METTL25: variants seen among roughly 807,000 people sequenced by gnomAD.
METTL25 encodes methyltransferase like 25.
Under a neutral mutation model 71.6 loss-of-function variants are expected in METTL25, and 64 were observed. The ratio of observed to expected loss-of-function variants is 0.89; its 90% CI spans 0.73 to 1.10. The LOEUF (loss-of-function observed/expected upper bound fraction) is 1.10. Among genes scored for constraint, METTL25 ranks in the 50% least tolerant of loss-of-function variants. The pLI, the probability that METTL25 is intolerant of heterozygous loss-of-function variation, is 0.00. For missense variants in METTL25, 807 were observed against 707.0 expected (o/e 1.14, Z -1.60); for synonymous variants, 287 against 250.3 (o/e 1.15, Z -1.38).
At chr12:82,463,750 T>C (rs941395212) in intron 9 of METTL25, among the ~76,000 whole-genome samples, 2 of 152,110 alleles carry the variant, frequency 1.3e-5, no homozygotes, top group South Asian at 4.1e-4. Context: ...ACATTTGTTA[T>C]TTTTTATCTT....
intron 5 of METTL25, among the ~76,000 whole-genome samples, chr12:82,427,225 T>C (rs1889102812): frequency 6.6e-6 from 1 of 151,992 alleles, no homozygotes; most frequent in South Asian, 2.1e-4. Flanking sequence ...CCCACATTCC[T>C]TGTATGGAAT....
intron 9 of METTL25, among the ~76,000 whole-genome samples, chr12:82,464,870 A>G (rs1407629650): frequency 8.1e-6 from 1 of 122,772 alleles, no homozygotes; most frequent in African/African-American, 2.9e-5. Context: ...CTTTATAGCT[A>G]TTGTAAATGG....
intron 5 of METTL25, among the ~76,000 whole-genome samples, chr12:82,404,870 G>A (rs1472669996): frequency 6.6e-6 from 1 of 151,830 alleles, no homozygotes; most frequent in African/African-American, 2.4e-5. Flanking sequence ...CTTGAACCCA[G>A]GAGGCACAGG....
intron 9 of METTL25, chr12:82,460,015 A>C (rs1891758369): frequency 6.6e-6 from 1 of 152,164 alleles, no homozygotes; most frequent in African/African-American, 2.4e-5. Flanking sequence ...CTTCACATCC[A>C]CTTACTTTAG....
intron 5 of METTL25, among the ~76,000 whole-genome samples, chr12:82,427,103 T>C (rs556380313): frequency 6.6e-6 from 1 of 152,104 alleles, no homozygotes; most frequent in African/African-American, 2.4e-5. Context: ...TTATCAAAAT[T>C]GCCTATATAT....
At chr12:82,476,533 A>G (rs986640109) in intron 9 of METTL25, 111 bp from the exon 10 acceptor site, 3 of 716,450 alleles carry the variant, frequency 4.2e-6, no homozygotes, top group Non-Finnish European at 7.3e-6. Flanking sequence ...TTCTTCAGAC[A>G]CCTAAGGTTG....
At chr12:82,445,935 C>A (rs1017302795) in intron 8 of METTL25, among the ~76,000 whole-genome samples, 3 of 152,150 alleles carry the variant, frequency 2.0e-5, no homozygotes, top group African/African-American at 7.2e-5. Flanking sequence ...CAAAAGTACA[C>A]TAGTAGTAGT....
At chr12:82,457,259 A>C (rs1891558665) in intron 9 of METTL25, among the ~76,000 whole-genome samples, 1 of 151,912 alleles carries the variant, frequency 6.6e-6, no homozygotes, top group African/African-American at 2.4e-5. Context: ...CAAGTTAGTA[A>C]TTGATAACAT....
intron 5 of METTL25, among the ~76,000 whole-genome samples, chr12:82,408,745 T>G (rs1466804030): frequency 6.6e-6 from 1 of 152,124 alleles, no homozygotes; most frequent in Non-Finnish European, 1.5e-5. Flanking sequence ...AGGCCTAGTA[T>G]TCCATACTAA....
At chr12:82,434,869 G>T in intron 7 of METTL25, 145 bp downstream of exon 7, 1 of 738,222 alleles carries the variant, frequency 1.4e-6, no homozygotes, top group Non-Finnish European at 2.3e-6. Flanking sequence ...TTTTCTGTAA[G>T]TTTACTTTAA....
intron 8 of METTL25, among the ~76,000 whole-genome samples, chr12:82,443,232 G>C (rs1242529017): frequency 6.6e-6 from 1 of 151,862 alleles, no homozygotes; most frequent in Non-Finnish European, 1.5e-5. Flanking sequence ...TTCTAGACAC[G>C]TAAGAGTAAA....
chr12:82,459,592 A>T (rs1383202567), intron 9 of METTL25, among the ~76,000 whole-genome samples: 2 of 152,192 alleles, frequency 1.3e-5, no homozygotes. Context: ...GTGCCACTGC[A>T]CTTCAGCCTG....
intron 9 of METTL25, chr12:82,459,922 G>A (rs530349720): frequency 6.6e-6 from 1 of 152,314 alleles, no homozygotes; most frequent in African/African-American, 2.4e-5. Context: ...CTATCAACCT[G>A]AGAATATCAG....
chr12:82,472,546 C>T (rs1198676716), intron 9 of METTL25, among the ~76,000 whole-genome samples: 10 of 152,056 alleles, frequency 6.6e-5, no homozygotes, highest in Non-Finnish European at 1.5e-4. Context: ...TGCAGTGAGC[C>T]GAGGTCCTGC....
intron 5 of METTL25, among the ~76,000 whole-genome samples, chr12:82,419,787 A>C (rs560120855): frequency 1.3e-4 from 20 of 151,824 alleles, no homozygotes; most frequent in Non-Finnish European, 2.8e-4. Flanking sequence ...TGCAGTCGCT[A>C]TGGAAAATGA....
intron 3 of METTL25, among the ~76,000 whole-genome samples, chr12:82,390,427 A>T (rs1270491453): frequency 6.6e-6 from 1 of 152,090 alleles, no homozygotes; most frequent in Non-Finnish European, 1.5e-5. Context: ...ATGGTAGATA[A>T]TGATATTGGA....
chr12:82,473,882 G>A (rs541836758), intron 9 of METTL25, among the ~76,000 whole-genome samples: 1 of 152,304 alleles, frequency 6.6e-6, no homozygotes, highest in Non-Finnish European at 1.5e-5. Flanking sequence ...AGCTTAGGTT[G>A]TGGCAGTCAG....
chr12:82,398,887 CA>C lies in METTL25; in HGVS notation c.626del (p.Asn209IlefsTer12). 2 of 1,610,010 alleles carry C rather than the reference CA, an allele frequency of 1.2e-6. No homozygotes were observed. Among genetic ancestry groups the C allele is most frequent in the Non-Finnish European group, 1.7e-6 (2 of 1,178,670 alleles). ...TTTATGGAATTGATTCTTCAAATACCAATACTCATGGAGCTGAGGAGAGAAA... is the reference window on the plus strand; with the variant it reads ...TTTATGGAATTGATTCTTCAAATACCATACTCATGGAGCTGAGGAGAGAAA... Reference protein sequence around the residue: ...KVYGIDSSNTNTHGAEERNRK... With the variant: ...KVYGIDSSNTXTHGAEERNRK... On this transcript the variant is annotated frameshift_variant, in exon 4 of 12. Coordinates refer to ENST00000248306, the MANE Select transcript of METTL25 (RefSeq NM_032230.3). LOFTEE classifies it high-confidence loss of function.
rs149846172 is a variant in METTL25, at chr12:82,399,015, A to C, written c.752A>C (p.Lys251Thr). Reference protein sequence around the residue: ...KMAKERKVQNKVKNKADTEEV... With the variant: ...KMAKERKVQNTVKNKADTEEV... ...GCAAAAGAAAGGAAAGTGCAAAATA[A>C]AGTTAAAAATAAAGCTGATACTGAG... The change falls in exon 4 of 12, where the codon AAA becomes ACA. Residue 251 changes from lysine (K) to threonine (T), a missense_variant. Lys to Thr is a moderately conservative substitution (Grantham distance 78). Transcript: ENST00000248306. The C allele has an allele frequency of 6.8e-6, 11 of 1,609,548 alleles. No homozygotes were observed. The African/African-American group carries it at 9.4e-5, about 14-fold the overall frequency.
Sources: gnomAD v4.1 joint callset for allele counts (sites outside exome capture counted in the v4.1 genomes callset) on GRCh38, gnomAD v4.1.1 for gene constraint, MANE v1.5 for transcripts, NCBI Gene and HGNC (gene_info 2026-07-23, HGNC 2026-07-21) for gene names.